The following CHID1 variants were observed in gnomAD, a reference collection of about 807,000 sequenced individuals.
CHID1 encodes chitinase domain-containing protein 1.
In CHID1, 44 loss-of-function variants were observed where a neutral mutation model predicts 55.4. The ratio of observed to expected loss-of-function variants is 0.79; its 90% CI spans 0.62 to 1.02. The LOEUF is 1.02. Ranked by LOEUF, CHID1 falls within the 50% of genes least tolerant of loss-of-function variation. The pLI, the probability that CHID1 is intolerant of heterozygous loss-of-function variation, is 0.00. For missense variants in CHID1, 491 were observed against 515.3 expected, an observed-to-expected ratio of 0.95 and a Z score of 0.46; for synonymous variants, 216 against 212.9, an observed-to-expected ratio of 1.01 and a Z score of -0.13.
intron 9 of CHID1, 38 bp from the exon 10 acceptor site, chr11:883,341 A>G (rs757044232): frequency 6.3e-7 from 1 of 1,587,794 alleles, no homozygotes; most frequent in African/African-American, 1.3e-5. Flanking sequence ...AGCAACAGGG[A>G]GGGCCCCGCA....
intron 2 of CHID1, chr11:903,876 C>G (rs983093326): frequency 3.0e-5 from 6 of 201,234 alleles, no homozygotes; most frequent in African/African-American, 1.4e-4. Context: ...TGCTGGCCAA[C>G]CACTGCCTGC....
At chr11:883,341 A>AG (rs1850147091) in intron 9 of CHID1, 38 bp from the exon 10 acceptor site, 1 of 1,587,794 alleles carries the variant, frequency 6.3e-7, no homozygotes, top group Non-Finnish European at 8.6e-7. Flanking sequence ...AGCAACAGGG[A>AG]GGGCCCCGCA....
At chr11:901,117 C>T in intron 4 of CHID1, 137 bp from the exon 5 acceptor site, 1 of 683,342 alleles carries the variant, frequency 1.5e-6, no homozygotes, top group Non-Finnish European at 2.4e-6. Context: ...TGTGAGAACC[C>T]ACCCCTCCCT....
rs559867829 is a variant in CHID1, at chr11:869,311, C to T, written c.*547G>A. 4.1e-4 allele frequency: 65 copies of T among 159,006 alleles called. No individual in the cohort carries two copies. The highest frequency in any genetic ancestry group is 1.7e-3 in the South Asian group (9 of 5,382). 9.8% of individuals were successfully genotyped at this position (159,006 alleles called of 1,614,324 possible). A position where few individuals can be genotyped will look rare whatever the true frequency, so the allele number is the denominator to read the frequency against. On this transcript the variant is annotated 3_prime_UTR_variant, in exon 13 of 13. Coordinates refer to ENST00000323578, the MANE Select transcript of CHID1 (RefSeq NM_023947.4). ...TCTAGGGCAGCCCCTGCACCCTTGC[C>T]GTGCTGGACTCGGTGGGGACGTCTG...
chr11:897,760 G>A (rs868645779), intron 7 of CHID1, among the ~76,000 whole-genome samples: 9 of 152,220 alleles, frequency 5.9e-5, no homozygotes, highest in South Asian at 2.1e-4. Context: ...GGACACATCC[G>A]GTGGGGGGCA....
chr11:876,220 G>A (rs937469649), intron 10 of CHID1, among the ~76,000 whole-genome samples: 3 of 152,174 alleles, frequency 2.0e-5, no homozygotes, highest in African/African-American at 7.2e-5. Context: ...GAACAGATAG[G>A]GAGGACCCAC....
chr11:912,408 G>A (rs1209586022), upstream of CHID1, among the ~76,000 whole-genome samples: 1 of 152,228 alleles, frequency 6.6e-6, no homozygotes, highest in Non-Finnish European at 1.5e-5. Context: ...GCAGATGGGA[G>A]GATAGGAAGC....
At position 869,492 on chromosome 11, in the gene CHID1, C is replaced by T. The variant is rs61869677; in HGVS notation, c.*366G>A. On this transcript the variant is annotated 3_prime_UTR_variant, in exon 13 of 13. Coordinates refer to ENST00000323578, the MANE Select transcript of CHID1 (RefSeq NM_023947.4). ...CCTCGAATCCAGGAGTGGGCGAGTC[C>T]GGGATGGTTCCAGAGCTTCCAAACC... 24 of 323,064 alleles carry T rather than the reference C, an allele frequency of 7.4e-5. No homozygotes were observed. Among genetic ancestry groups the T allele is most frequent in the African/African-American group, 1.9e-4 (9 of 47,238 alleles). The allele number at this position is 323,064 out of a possible 1,614,324, so 20.0% of individuals were successfully genotyped here.
At chr11:891,781 C>G (rs1850843047) in intron 8 of CHID1, among the ~76,000 whole-genome samples, 1 of 152,120 alleles carries the variant, frequency 6.6e-6, no homozygotes, top group African/African-American at 2.4e-5. Context: ...CACAGCCAGC[C>G]CCTGCCAGCC....
chr11:894,869 G>C (rs1162144302), intron 7 of CHID1, among the ~76,000 whole-genome samples: 2 of 152,176 alleles, frequency 1.3e-5, no homozygotes, highest in Non-Finnish European at 2.9e-5. Context: ...CCCTGACATG[G>C]CCCAAGTGGG....
At chr11:897,969 T>G (rs1389276835) in intron 7 of CHID1, among the ~76,000 whole-genome samples, 2 of 152,114 alleles carry the variant, frequency 1.3e-5, no homozygotes, top group Non-Finnish European at 2.9e-5. Context: ...AGCCGGGGCC[T>G]GGGAGCAGTT....
rs778547598 is a variant in CHID1 at position 869,300 on chromosome 11, T to C, written c.*558A>G. The stretch of plus-strand genomic sequence containing the variant: ...CTGAGCCCATTTCTAGGGCAGCCCC[T>C]GCACCCTTGCCGTGCTGGACTCGGT... On this transcript the variant is annotated 3_prime_UTR_variant, in exon 13 of 13. Coordinates refer to ENST00000323578, the MANE Select transcript of CHID1 (RefSeq NM_023947.4). 2.2e-4 allele frequency: 34 copies of C among 158,018 alleles called. No individual in the cohort carries two copies. Among genetic ancestry groups the C allele is most frequent in the Non-Finnish European group, 3.8e-4 (27 of 71,812 alleles). The allele number at this position is 158,018 out of a possible 1,614,324, so 9.8% of individuals were successfully genotyped here. A position where few individuals can be genotyped will look rare whatever the true frequency, so the allele number is the denominator to read the frequency against.
Position 869,953 on chromosome 11 carries a change from G to T in CHID1, c.1087C>A (p.Leu363Met), listed in dbSNP as rs764097989. The T allele has an allele frequency of 1.2e-6, 2 of 1,612,780 alleles. No individual in the cohort carries two copies. The highest frequency in any genetic ancestry group is 2.2e-5 in the South Asian group (2 of 91,088). The stretch of plus-strand genomic sequence containing the variant: ...CGGGCCAGCTCCAGCCGCACCTGCA[G>T]GGACTGGGCACAGATGGAGGTGTGA... ...HVVFYPTLKS[L>M]QVRLELAREL... Residue 363 changes from leucine (L) to methionine (M), a missense_variant, in exon 13 of 13, where the codon CTG becomes ATG. Physicochemically the swap from Leu to Met is conservative, Grantham distance 15 (BLOSUM62 2). Transcript: ENST00000323578.
intron 10 of CHID1, chr11:882,663 T>C (rs1359162156): frequency 6.4e-6 from 1 of 155,658 alleles, no homozygotes; most frequent in Non-Finnish European, 1.4e-5. Context: ...GGCGGCCACA[T>C]GCTTAAGGTG....
intron 10 of CHID1, among the ~76,000 whole-genome samples, chr11:873,163 G>A (rs1395349551): frequency 6.6e-6 from 1 of 152,184 alleles, no homozygotes; most frequent in Non-Finnish European, 1.5e-5. Context: ...CACTCCTGGG[G>A]AGGGAAGGTG....
At chr11:891,865 A>C (rs1415440662) in intron 8 of CHID1, among the ~76,000 whole-genome samples, 1 of 142,686 alleles carries the variant, frequency 7.0e-6, no homozygotes, top group South Asian at 2.3e-4. Flanking sequence ...GTGGCTTGGG[A>C]GGCCGAGGTG....
chr11:914,067 C>CAA (rs397960158), upstream of CHID1, among the ~76,000 whole-genome samples: 10 of 89,666 alleles, frequency 1.1e-4, no homozygotes, highest in South Asian at 3.6e-4. Context: ...GACTCCATCT[C>CAA]AAAAAAAAAA....
chr11:902,241 G>A lies in CHID1; in HGVS notation c.351C>T (p.Gly117=), dbSNP rs1029958037. ...SPVWLQLKRR[G]REMFEVTGLH... ...GGCCCGTGACCTCAAACATCTCACG[G>A]CCACGTCTCTTCAGCTGCAGCCAGA... Residue 117 remains glycine (G), a synonymous_variant, in exon 4 of 13, where the codon GGC becomes GGT. Coordinates refer to ENST00000323578, the MANE Select transcript of CHID1 (RefSeq NM_023947.4). 3 of 1,613,904 alleles carry A rather than the reference G, an allele frequency of 1.9e-6. No homozygotes were observed. The highest frequency in any genetic ancestry group is 1.1e-5 in the South Asian group (1 of 91,084).
In CHID1 at chr11:902,977, C is replaced by T. The variant is rs138139983; in HGVS notation, c.246G>A (p.Leu82=). 47 of 1,613,980 alleles carry T rather than the reference C, an allele frequency of 2.9e-5. No homozygotes were observed. In the African/African-American group the frequency reaches 4.9e-4, roughly 17 times the overall value. Residue 82 remains leucine (L), a synonymous_variant, in exon 3 of 13, where the codon CTG becomes CTA. Transcript: ENST00000323578. ...CCCAACTTACTGGAGTGACATAGCC[C>T]AGTACATCCCCAGCAAAGTGTCTGT... The part of the protein sequence containing the change: ...ARDRHFAGDV[L]GYVTPWNSHG...
Sources: gnomAD v4.1 joint callset for allele counts (sites outside exome capture counted in the v4.1 genomes callset) on GRCh38, gnomAD v4.1.1 for gene constraint, MANE v1.5 for transcripts, NCBI Gene and HGNC (gene_info 2026-07-23, HGNC 2026-07-21) for gene names.